BORA: variants seen among roughly 807,000 people sequenced by gnomAD.
The protein encoded by BORA is BORA aurora kinase A activator.
In BORA, 26 loss-of-function variants were observed where a neutral mutation model predicts 55.8. That is an observed-to-expected ratio of 0.47 (90% CI 0.34 to 0.65). The LOEUF is 0.65. BORA is among the 30% of genes least tolerant of loss of function. BORA has a pLI of 0.01. For missense variants in BORA, 568 were observed against 671.5 expected (o/e 0.85, Z 1.70); for synonymous variants, 201 against 216.9 (o/e 0.93, Z 0.64).
chr13:72,745,152 A>G lies in BORA; in HGVS notation c.683A>G (p.Tyr228Cys). 1 of 1,614,152 alleles carries G rather than the reference A, an allele frequency of 6.2e-7. No homozygotes were observed. The highest frequency in any genetic ancestry group is 8.5e-7 in the Non-Finnish European group (1 of 1,179,972). The change falls in exon 8 of 12, where the codon TAT (tyrosine) becomes TGT (cysteine). Residue 228 changes from tyrosine to cysteine, a missense_variant. Physicochemically the swap from Tyr to Cys is radical, Grantham distance 194 (BLOSUM62 -2). Transcript: ENST00000390667. ...GTTCAAACATCACTAGAGATGTTTTATTCAATAGATTTGTCTCCTGTAAAG... is the reference window on the plus strand; with the variant it reads ...GTTCAAACATCACTAGAGATGTTTTGTTCAATAGATTTGTCTCCTGTAAAG... ...SGVQTSLEMFYSIDLSPVKCR... is the reference protein window; with the variant it reads ...SGVQTSLEMFCSIDLSPVKCR...
At chr13:72,751,011 A>T (rs180984351) in intron 10 of BORA, among the ~76,000 whole-genome samples, 1 of 152,300 alleles carries the variant, frequency 6.6e-6, no homozygotes, top group African/African-American at 2.4e-5. Context: ...TTCAGTTTAT[A>T]GCCCAGCTCT....
At position 72,753,685 on chromosome 13, in the gene BORA, G is replaced by A. The variant is rs199869852; in HGVS notation, c.1483-5G>A. 3.5e-4 allele frequency: 556 copies of A among 1,601,358 alleles called. 2 individuals are homozygous for A. The Middle Eastern group carries it at 5.3e-3, about 15-fold the overall frequency. On this transcript the variant is annotated splice_region_variant and splice_polypyrimidine_tract_variant and intron_variant, in intron 10 of 11. Coordinates refer to ENST00000390667, the MANE Select transcript of BORA (RefSeq NM_024808.5). Reference sequence around the variant, plus strand: ...AATATATTTTTTTCTTTTTTCTCCTGTCAGATGGATAGTGGCTATAATACG... The same window carrying A: ...AATATATTTTTTTCTTTTTTCTCCTATCAGATGGATAGTGGCTATAATACG...
chr13:72,746,642 A>G lies in BORA; in HGVS notation c.1013A>G (p.Tyr338Cys), dbSNP rs1466698510. 1 of 1,614,132 alleles carries G rather than the reference A, an allele frequency of 6.2e-7. No homozygotes were observed. The highest frequency in any genetic ancestry group is 8.5e-7 in the Non-Finnish European group (1 of 1,179,994). ...KNWSPMRLQM[Y>C]SGGTQYRTSV... ...TGGTCTCCTATGAGACTTCAGATGT[A>G]TAGTGGTGGTACTCAGTATCGGACC... The change falls in exon 10 of 12, where the codon TAT (tyrosine) becomes TGT (cysteine). Residue 338 changes from tyrosine to cysteine, a missense_variant. Transcript: ENST00000390667.
chr13:72,755,992 C>T lies in BORA; in HGVS notation c.*776C>T, dbSNP rs944924800. 2.8e-5 allele frequency: 11 copies of T among 398,268 alleles called. No individual in the cohort carries two copies. Among genetic ancestry groups the T allele is most frequent in the South Asian group, 2.6e-4 (2 of 7,838 alleles). The allele number at this position is 398,268 out of a possible 1,614,324, so 24.7% of individuals were successfully genotyped here. ...AGTGGGGCTGGGAGAGTGGAGTTCC[C>T]GTAGGGCATAGGCCTGTGAAGTAAC... On this transcript the variant is annotated 3_prime_UTR_variant, in exon 12 of 12. Transcript: ENST00000390667.
intron 11 of BORA, 45 bp downstream of exon 11, chr13:72,753,866 A>T (rs1170773094): frequency 6.6e-7 from 1 of 1,516,836 alleles, no homozygotes; most frequent in Non-Finnish European, 9.0e-7. Context: ...TTAGATTAGA[A>T]ATATAAAATA....
rs1445124160 is a variant in BORA, at chr13:72,746,486, C to T, written c.872-15C>T. 1.9e-6 allele frequency: 3 copies of T among 1,581,232 alleles called. No homozygotes were observed. The highest frequency in any genetic ancestry group is 2.6e-6 in the Non-Finnish European group (3 of 1,163,260). On this transcript the variant is annotated splice_polypyrimidine_tract_variant and intron_variant, in intron 9 of 11. Coordinates refer to ENST00000390667, the MANE Select transcript of BORA (RefSeq NM_024808.5). ...GTTTTTATGATGTGATTTTTTTTCC[C>T]TTCCCACCTTTCAGAACAAAGGAAG...
In BORA at chr13:72,746,964, C is replaced by T; in HGVS notation, c.1335C>T (p.Thr445=). The change falls in exon 10 of 12, where the codon ACC becomes ACT. Residue 445 remains threonine, a synonymous_variant. Coordinates refer to ENST00000390667, the MANE Select transcript of BORA (RefSeq NM_024808.5). The part of the protein sequence containing the change: ...MVDPIEIADE[T]TWIKEPVDNG... ...ATCCTATAGAGATAGCAGATGAGAC[C>T]ACTTGGATTAAGGAGCCGGTTGATA... is the stretch of plus-strand genomic sequence containing the variant. 1.2e-6 allele frequency: 2 copies of T among 1,614,052 alleles called. No individual in the cohort carries two copies. Among genetic ancestry groups the T allele is most frequent in the Non-Finnish European group, 8.5e-7 (1 of 1,179,982 alleles).
chr13:72,731,841 C>T (rs1275111234), intron 3 of BORA, among the ~76,000 whole-genome samples: 1 of 152,146 alleles, frequency 6.6e-6, no homozygotes, highest in Admixed American at 6.5e-5. Flanking sequence ...GGAAGGGTAT[C>T]CATTAGCAAC....
intron 3 of BORA, 70 bp from the exon 4 acceptor site, chr13:72,734,890 G>T: frequency 8.7e-7 from 1 of 1,148,076 alleles, no homozygotes; most frequent in Non-Finnish European, 1.3e-6. Flanking sequence ...TTATTTGAAA[G>T]GTTATTTTTT....
chr13:72,751,810 TA>T (rs1336265573), intron 10 of BORA, among the ~76,000 whole-genome samples: 8 of 152,368 alleles, frequency 5.3e-5, no homozygotes, highest in African/African-American at 1.9e-4. Flanking sequence ...GATCATTACA[TA>T]TTGTAAACAT....
At position 72,727,928 on chromosome 13, in the gene BORA, G is replaced by C. The variant is rs1008093119; in HGVS notation, c.-95G>C. 5.8e-6 allele frequency: 9 copies of C among 1,550,666 alleles called. No homozygotes were observed. The highest frequency in any genetic ancestry group is 7.8e-6 in the Non-Finnish European group (9 of 1,147,006). ...CAGCGCGGAAGCGGGGAGTTAAAGA[G>C]TCTATGCCTGTCGTGGAAGCTGGCC... On this transcript the variant is annotated 5_prime_UTR_variant, in exon 1 of 12. Coordinates refer to ENST00000390667, the MANE Select transcript of BORA (RefSeq NM_024808.5).
intron 10 of BORA, among the ~76,000 whole-genome samples, chr13:72,751,358 A>G (rs544538761): frequency 6.6e-6 from 1 of 152,352 alleles, no homozygotes; most frequent in East Asian, 1.9e-4. Flanking sequence ...CTAAGTGTCC[A>G]CTAATAGATG....
At chr13:72,743,762 CA>C (rs2033084962) in intron 6 of BORA, among the ~76,000 whole-genome samples, 160 bp downstream of exon 6, 1 of 150,712 alleles carries the variant, frequency 6.6e-6, no homozygotes, top group Admixed American at 6.6e-5. Flanking sequence ...CACACTCTGT[CA>C]CCCAGGCTGG....
At chr13:72,728,193 C>G in intron 1 of BORA, 186 bp downstream of exon 1, 9 of 805,056 alleles carry the variant, frequency 1.1e-5, no homozygotes, top group Middle Eastern at 2.2e-4. Flanking sequence ...CCTTCGCACT[C>G]CATCCAGGGA....
chr13:72,732,737 A>C (rs2032845514), intron 3 of BORA, among the ~76,000 whole-genome samples: 1 of 152,192 alleles, frequency 6.6e-6, no homozygotes, highest in African/African-American at 2.4e-5. Context: ...AGGTGAGATG[A>C]ATATCTAAAA....
At chr13:72,729,640 C>T (rs2032768756) in intron 2 of BORA, among the ~76,000 whole-genome samples, 1 of 152,244 alleles carries the variant, frequency 6.6e-6, no homozygotes, top group Non-Finnish European at 1.5e-5. Flanking sequence ...ATCACAAAAG[C>T]AGCCATAGGC....
intron 11 of BORA, chr13:72,754,149 T>G (rs1226510870): frequency 5.5e-6 from 1 of 180,666 alleles, no homozygotes; most frequent in African/African-American, 2.4e-5. Flanking sequence ...TATGTGCCAA[T>G]TTTTTTTGCA....
At position 72,738,031 on chromosome 13, in the gene BORA, C is replaced by A; in HGVS notation, c.376C>A (p.His126Asn). The A allele has an allele frequency of 1.3e-6, 2 of 1,594,158 alleles. No homozygotes were observed. Among genetic ancestry groups the A allele is most frequent in the South Asian group, 2.2e-5 (2 of 89,222 alleles). Residue 126 changes from histidine to asparagine, a missense_variant, in exon 5 of 12, where the codon CAT (histidine) becomes AAT (asparagine). Physicochemically the swap from His to Asn is moderately conservative, Grantham distance 68. Transcript: ENST00000390667. ...DHEGKQLSQC[H>N]SSKCTNINSD... ...TGAAGGGAAACAGCTTTCACAATGT[C>A]ATTCCAGTAAATGTGAGTGTACTAA... is the stretch of plus-strand genomic sequence containing the variant.
chr13:72,745,227 G>C lies in BORA; in HGVS notation c.738+20G>C. The C allele has an allele frequency of 6.3e-7, 1 of 1,592,394 alleles. No individual in the cohort carries two copies. The highest frequency in any genetic ancestry group is 8.6e-7 in the Non-Finnish European group (1 of 1,161,418). On this transcript the variant is annotated intron_variant, in intron 8 of 11. Coordinates refer to ENST00000390667, the MANE Select transcript of BORA (RefSeq NM_024808.5). Reference sequence around the variant, plus strand: ...AGTTCGGTGAGAAGTATACTAAAAAGCAGTTGGCTAATATGCTGTCAAGCT... The same window carrying C: ...AGTTCGGTGAGAAGTATACTAAAAACCAGTTGGCTAATATGCTGTCAAGCT...
Sources: allele counts gnomAD v4.1 joint callset (sites outside exome capture counted in the v4.1 genomes callset), GRCh38; gene constraint gnomAD v4.1.1; transcripts MANE v1.5; gene names NCBI Gene and HGNC (gene_info 2026-07-23, HGNC 2026-07-21).